TTC6: variants seen among roughly 807,000 people sequenced by gnomAD.
TTC6 encodes the protein tetratricopeptide repeat domain 6, also known as tetratricopeptide repeat protein 6.
Under a neutral mutation model 210.4 loss-of-function variants are expected in TTC6, and 172 were observed. The ratio of observed to expected loss-of-function variants is 0.82; its 90% CI spans 0.72 to 0.93. TTC6 has a LOEUF of 0.93. Ranked by LOEUF, TTC6 falls within the 40% of genes least tolerant of loss-of-function variation. The pLI is 0.00. For synonymous variants in TTC6, 804 were observed against 819.6 expected (o/e 0.98, Z 0.32); for missense variants, 2,414 against 2,318.1 (o/e 1.04, Z -0.85).
At chr14:37,627,756 A>G (rs1481491643) in intron 1 of TTC6, among the ~76,000 whole-genome samples, 2 of 152,164 alleles carry the variant, frequency 1.3e-5, no homozygotes, top group African/African-American at 2.4e-5. Flanking sequence ...TAGTGCTGCA[A>G]TAAACATATG....
chr14:37,755,126 G>GT (rs1455908956), intron 14 of TTC6, among the ~76,000 whole-genome samples: 1 of 151,926 alleles, frequency 6.6e-6, no homozygotes, highest in Non-Finnish European at 1.5e-5. Flanking sequence ...TCTCATTGTG[G>GT]TTTTGATTTG....
exon 29 of TTC6, chr14:37,827,254 A>G (rs761887278): frequency 6.2e-7 from 1 of 1,613,080 alleles, no homozygotes. Flanking sequence ...TTTATGGGCC[A>G]CAAACAGAAT....
At chr14:37,804,727 T>G in exon 21 of TTC6, 1 of 1,614,174 alleles carries the variant, frequency 6.2e-7, no homozygotes. Context: ...TTTCTCATTC[T>G]GATAAAGGAC....
chr14:37,789,730 A>G lies in TTC6; in HGVS notation c.3437-987A>G, dbSNP rs548138740. On this transcript the variant is annotated intron_variant, in intron 15 of 30. Coordinates refer to ENST00000553443, the Ensembl canonical transcript of TTC6. Reference sequence around the variant, plus strand: ...AAGTACACTCTATGATCTTTGCACAATAAAGAAATCCCCTAATAATGCATT... The same window carrying G: ...AAGTACACTCTATGATCTTTGCACAGTAAAGAAATCCCCTAATAATGCATT... 3.3e-5 allele frequency among the ~76,000 whole-genome samples: 5 copies of G among 151,520 alleles called. No homozygotes were observed. In the South Asian group the frequency reaches 1.0e-3, roughly 32 times the overall value.
chr14:37,755,587 T>C lies in TTC6; in HGVS notation c.3266+2352T>C, dbSNP rs143317054. On this transcript the variant is annotated intron_variant, in intron 14 of 30. Coordinates refer to ENST00000553443, the Ensembl canonical transcript of TTC6. ...GTAAGGAAGGGGTCCAGTTTCTGTT[T>C]TCTGCATATGGCTAGCCAGTTTCCC... 1.1e-4 allele frequency among the ~76,000 whole-genome samples: 17 copies of C among 152,346 alleles called. No individual in the cohort carries two copies. The East Asian group carries it at 3.1e-3, about 28-fold the overall frequency.
chr14:37,735,173 C>T (rs369249736), intron 7 of TTC6, among the ~76,000 whole-genome samples: 3 of 152,220 alleles, frequency 2.0e-5, no homozygotes, highest in African/African-American at 7.2e-5. Flanking sequence ...TACCCATAGC[C>T]TTCTCCATCG....
intron 4 of TTC6, 79 bp from the exon 7 acceptor site, chr14:37,701,253 A>G: frequency 9.8e-7 from 1 of 1,015,846 alleles, no homozygotes; most frequent in Non-Finnish European, 1.3e-6. Context: ...AACCTGAACT[A>G]AATTGTCAGT....
At chr14:37,695,375 A>G (rs1376379312) in intron 3 of TTC6, among the ~76,000 whole-genome samples, 3 of 150,970 alleles carry the variant, frequency 2.0e-5, no homozygotes, top group Admixed American at 1.3e-4. Context: ...TTTATTTGAG[A>G]TGGAATTTCA....
In TTC6 at chr14:37,657,489, G is replaced by A. The variant is rs138713910; in HGVS notation, c.940-22662G>A. Among the ~76,000 whole-genome samples the A allele has an allele frequency of 8.5e-5, 13 of 152,104 alleles. No individual in the cohort carries two copies. The East Asian group carries it at 2.5e-3, about 29-fold the overall frequency. On this transcript the variant is annotated intron_variant, in intron 1 of 30. Coordinates refer to ENST00000553443, the Ensembl canonical transcript of TTC6. ...GGAGAAAAGCATAAACGAGGACGCC[G>A]AGCCAAGAAAGGGCCTGGTGTCTCT...
chr14:37,781,698 G>A (rs1355280616), intron 14 of TTC6, among the ~76,000 whole-genome samples: 1 of 152,082 alleles, frequency 6.6e-6, no homozygotes, highest in Non-Finnish European at 1.5e-5. Context: ...TGAAATCCTT[G>A]CCCATGCCTA....
chr14:37,740,477 A>G (rs1171099109), intron 10 of TTC6, among the ~76,000 whole-genome samples: 1 of 90,866 alleles, frequency 1.1e-5, no homozygotes, highest in Non-Finnish European at 2.7e-5. Flanking sequence ...CCTGATGGTA[A>G]GAGAATAAAA....
intron 20 of TTC6, among the ~76,000 whole-genome samples, chr14:37,803,434 C>T (rs978212793): frequency 6.6e-6 from 1 of 152,184 alleles, no homozygotes; most frequent in Non-Finnish European, 1.5e-5. Flanking sequence ...GATGACTTAT[C>T]TGTAAGCCCC....
chr14:37,728,580 T>G (rs145808745), intron 7 of TTC6, among the ~76,000 whole-genome samples: 1 of 152,372 alleles, frequency 6.6e-6, no homozygotes, highest in East Asian at 1.9e-4. Context: ...TGTCTAGCCC[T>G]GTGTTCTTTT....
At chr14:37,665,107 T>C (rs1479077643) in intron 1 of TTC6, among the ~76,000 whole-genome samples, 2 of 150,318 alleles carry the variant, frequency 1.3e-5, no homozygotes, top group Admixed American at 1.3e-4. Context: ...TCAAATAGCT[T>C]GAGGCAGAAA....
At chr14:37,700,362 G>T (rs1461597062) in intron 4 of TTC6, among the ~76,000 whole-genome samples, 1 of 152,152 alleles carries the variant, frequency 6.6e-6, no homozygotes, top group Non-Finnish European at 1.5e-5. Flanking sequence ...GAAAATGTGT[G>T]TAGAGGACCT....
At chr14:37,771,059 A>G (rs1041599488) in intron 14 of TTC6, among the ~76,000 whole-genome samples, 21 of 143,914 alleles carry the variant, frequency 1.5e-4, no homozygotes, top group Admixed American at 4.9e-4. Flanking sequence ...TCCTTCACTT[A>G]TGAAGCTTAG....
chr14:37,682,491 T>C (rs966351892), intron 2 of TTC6, among the ~76,000 whole-genome samples: 1 of 152,132 alleles, frequency 6.6e-6, no homozygotes, highest in Non-Finnish European at 1.5e-5. Flanking sequence ...TATTTGGTAT[T>C]GTATGCCATC....
intron 14 of TTC6, among the ~76,000 whole-genome samples, chr14:37,769,410 C>G (rs1392904473): frequency 6.6e-6 from 1 of 151,820 alleles, no homozygotes; most frequent in Non-Finnish European, 1.5e-5. Context: ...TGGTAGAATT[C>G]GGCTGTGAAT....
chr14:37,617,893 C>T (rs2095645316), upstream of TTC6, among the ~76,000 whole-genome samples: 1 of 152,162 alleles, frequency 6.6e-6, no homozygotes, highest in Admixed American at 6.5e-5. Flanking sequence ...AAACCCAAAT[C>T]TTGTTCTTAA....
Sources: gnomAD v4.1 joint callset for allele counts (sites outside exome capture counted in the v4.1 genomes callset) on GRCh38, gnomAD v4.1.1 for gene constraint, MANE v1.5 for transcripts, NCBI Gene and HGNC (gene_info 2026-07-23, HGNC 2026-07-21) for gene names.